Variants in COL6A3 observed in about 807,000 individuals in gnomAD.
COL6A3 encodes collagen type VI alpha 3 chain.
Under a neutral mutation model 274.1 loss-of-function variants are expected in COL6A3, and 137 were observed. The observed-to-expected ratio is 0.50, with a 90% CI of 0.44 to 0.58. The LOEUF (loss-of-function observed/expected upper bound fraction) is 0.58. Ranked by LOEUF, COL6A3 falls within the 20% of genes least tolerant of loss-of-function variation. The pLI, the probability that COL6A3 is intolerant of heterozygous loss-of-function variation, is 0.00. For synonymous variants in COL6A3, 1,650 were observed against 1,650.6 expected (o/e 1.00, Z 0.01); for missense variants, 3,950 against 4,124.9 (o/e 0.96, Z 1.16).
intron 32 of COL6A3, among the ~76,000 whole-genome samples, chr2:237,345,715 G>T (rs1485635060): frequency 6.6e-6 from 1 of 152,092 alleles, no homozygotes; most frequent in Non-Finnish European, 1.5e-5. Flanking sequence ...AGCCCAGCAG[G>T]CATCTCATGG....
intron 38 of COL6A3, 61 bp downstream of exon 38, chr2:237,340,391 A>G: frequency 6.7e-7 from 1 of 1,494,856 alleles, no homozygotes; most frequent in Non-Finnish European, 9.2e-7. Flanking sequence ...CTGTTCCTAC[A>G]CTTCTCCTGG....
At chr2:237,353,454 G>C in intron 24 of COL6A3, 51 bp from the exon 25 acceptor site, 1 of 1,508,572 alleles carries the variant, frequency 6.6e-7, no homozygotes. Flanking sequence ...TCCTGTCAAT[G>C]TCAGCTCTTT....
At chr2:237,362,203 A>G (rs190731367) in intron 14 of COL6A3, among the ~76,000 whole-genome samples, 1 of 151,130 alleles carries the variant, frequency 6.6e-6, no homozygotes, top group Admixed American at 6.6e-5. Context: ...AGCAAATGGC[A>G]GATGGCCAAG....
At chr2:237,363,153 C>G (rs548274260) in intron 14 of COL6A3, 100 bp downstream of exon 14, 87 of 1,151,132 alleles carry the variant, frequency 7.6e-5, no homozygotes, top group African/African-American at 1.9e-4. Flanking sequence ...GCCCCCCCCC[C>G]ACCTCCATTC....
At position 237,387,978 on chromosome 2, in the gene COL6A3, G is replaced by C. The variant is rs2078193193; in HGVS notation, c.916C>G (p.Leu306Val). 1 of 1,614,222 alleles carries C rather than the reference G, an allele frequency of 6.2e-7. No homozygotes were observed. The highest frequency in any genetic ancestry group is 8.5e-7 in the Non-Finnish European group (1 of 1,180,042). ...LDTYSTKAQVLGAVKALGFAG... is the reference protein window; with the variant it reads ...LDTYSTKAQVVGAVKALGFAG... ...AACCCGAGGGCTTTCACTGCACCCA[G>C]AACCTGGGCCTTGGTGGAGTAGGTG... is the stretch of plus-strand genomic sequence containing the variant. Residue 306 changes from leucine to valine, a missense_variant, in exon 4 of 44, where the codon CTG becomes GTG. Coordinates refer to ENST00000295550, the MANE Select transcript of COL6A3 (RefSeq NM_004369.4).
At position 237,388,189 on chromosome 2, in the gene COL6A3, AAAAG is replaced by A. The variant is rs774519175; in HGVS notation, c.710-9_710-6del. 1 of 1,613,942 alleles carries A rather than the reference AAAAG, an allele frequency of 6.2e-7. No homozygotes were observed. The highest frequency in any genetic ancestry group is 8.5e-7 in the Non-Finnish European group (1 of 1,180,040). ...TAATGTCAGCAGAGTCTTGTGCTTT[AAAAG>A]AAAGAAATGCAAAAAATGTGAAAGC... On this transcript the variant is annotated splice_region_variant and splice_polypyrimidine_tract_variant and intron_variant, in intron 3 of 43. Coordinates refer to ENST00000295550, the MANE Select transcript of COL6A3 (RefSeq NM_004369.4).
At chr2:237,332,243 C>A (rs1700300806) in intron 42 of COL6A3, among the ~76,000 whole-genome samples, 1 of 150,908 alleles carries the variant, frequency 6.6e-6, no homozygotes, top group Non-Finnish European at 1.5e-5. Context: ...AAAACATCCC[C>A]AAATCTTGCT....
At chr2:237,389,126 A>T (rs2078226272) in intron 3 of COL6A3, among the ~76,000 whole-genome samples, 1 of 152,196 alleles carries the variant, frequency 6.6e-6, no homozygotes, top group South Asian at 2.1e-4. Context: ...AAAACAGCTG[A>T]CCAAGACCTC....
At chr2:237,375,335 G>A (rs1319106923) in intron 7 of COL6A3, among the ~76,000 whole-genome samples, 1 of 152,138 alleles carries the variant, frequency 6.6e-6, no homozygotes, top group Non-Finnish European at 1.5e-5. Context: ...TGGCAATGAG[G>A]ATGGAGGATG....
Position 237,336,335 on chromosome 2 carries a change from G to A in COL6A3, c.8765C>T (p.Pro2922Leu). The change falls in exon 40 of 44, where the codon CCT becomes CTT. Residue 2922 changes from proline (P) to leucine (L), a missense_variant. Around this residue, in one of 5 missense-constraint regions of COL6A3, gnomAD observed 1,284 missense variants for 1,349.7 expected, o/e 0.95. Transcript: ENST00000295550. Reference protein sequence around the residue: ...PAPAKPVAAKPVATKMATVRP... With the variant: ...PAPAKPVAAKLVATKMATVRP... The stretch of plus-strand genomic sequence containing the variant: ...AACAGTGGCCATCTTTGTGGCCACA[G>A]GCTTGGCAGCCACAGGTTTCGCAGG... 1.2e-6 allele frequency: 2 copies of A among 1,613,542 alleles called. No individual in the cohort carries two copies. The highest frequency in any genetic ancestry group is 1.7e-6 in the Non-Finnish European group (2 of 1,179,556).
At chr2:237,351,594 A>G (rs2077207516) in intron 26 of COL6A3, among the ~76,000 whole-genome samples, 1 of 152,200 alleles carries the variant, frequency 6.6e-6, no homozygotes, top group Admixed American at 6.5e-5. Context: ...GTGAATGAAT[A>G]AACTGATGGA....
chr2:237,412,363 C>T (rs2078878246), intron 1 of COL6A3, among the ~76,000 whole-genome samples: 1 of 152,218 alleles, frequency 6.6e-6, no homozygotes, highest in South Asian at 2.1e-4. Context: ...TCTTAGTGAG[C>T]CCAAAGCAGT....
chr2:237,340,399 T>G lies in COL6A3; in HGVS notation c.8464+53A>C, dbSNP rs1457755439. 2.0e-6 allele frequency: 3 copies of G among 1,537,464 alleles called. No individual in the cohort carries two copies. The African/African-American group carries it at 4.1e-5, about 21-fold the overall frequency. Reference sequence around the variant, plus strand: ...TCCATGACTGTTCCTACACTTCTCCTGGCCCGAGCATAAAGCCAGGCCAGG... The same window carrying G: ...TCCATGACTGTTCCTACACTTCTCCGGGCCCGAGCATAAAGCCAGGCCAGG... On this transcript the variant is annotated intron_variant, in intron 38 of 43. Coordinates refer to ENST00000295550, the MANE Select transcript of COL6A3 (RefSeq NM_004369.4).
rs886043888 is a variant in COL6A3 at position 237,372,176 on chromosome 2, T to C, written c.3841A>G (p.Lys1281Glu). 5.0e-6 allele frequency: 8 copies of C among 1,614,034 alleles called. No individual in the cohort carries two copies. Among genetic ancestry groups the C allele is most frequent in the South Asian group, 1.1e-5 (1 of 91,076 alleles). The change falls in exon 9 of 44, where the codon AAG becomes GAG. Residue 1281 changes from lysine (K) to glutamate (E), a missense_variant. This residue lies in a region of COL6A3 where 1,934 missense variants were observed against 1,984.3 expected (regional missense o/e 0.97). Transcript: ENST00000295550. Reference protein sequence around the residue: ...VAVIQFSDDPKVEFLLNAHSS... With the variant: ...VAVIQFSDDPEVEFLLNAHSS... Reference sequence around the variant, plus strand: ...TGGGCGTTCAGCAGGAACTCCACCTTGGGGTCATCGCTGAACTGGATGACA... The same window carrying C: ...TGGGCGTTCAGCAGGAACTCCACCTCGGGGTCATCGCTGAACTGGATGACA...
In COL6A3 at chr2:237,372,187, C is replaced by T; in HGVS notation, c.3830G>A (p.Ser1277Asn). ...DTTRVAVIQF[S>N]DDPKVEFLLN... is the part of the protein sequence containing the mutation. ...CAGGAACTCCACCTTGGGGTCATCG[C>T]TGAACTGGATGACAGCCACCCGGGT... Residue 1277 changes from serine (S) to asparagine (N), a missense_variant, in exon 9 of 44, where the codon AGC becomes AAC. Physicochemically the swap from Ser to Asn is conservative, Grantham distance 46 (BLOSUM62 1). Coordinates refer to ENST00000295550, the MANE Select transcript of COL6A3 (RefSeq NM_004369.4). 2.5e-6 allele frequency: 4 copies of T among 1,614,164 alleles called. No individual in the cohort carries two copies. Among genetic ancestry groups the T allele is most frequent in the African/African-American group, 1.3e-5 (1 of 75,060 alleles).
Position 237,407,068 on chromosome 2 carries a change from C to A in COL6A3, c.-31+6885G>T, listed in dbSNP as rs553805752. On this transcript the variant is annotated intron_variant, in intron 1 of 43. Coordinates refer to ENST00000295550, the MANE Select transcript of COL6A3 (RefSeq NM_004369.4). The surrounding 1 kb of genome is among the most constrained non-coding windows in gnomAD (Gnocchi z 4.3). ...AGGACTACAGGTGTGCGCCACCACGCCTGGCTAATTTTTTTTGAATTTTGG... is the reference window on the plus strand; with the variant it reads ...AGGACTACAGGTGTGCGCCACCACGACTGGCTAATTTTTTTTGAATTTTGG... 6.6e-6 allele frequency among the ~76,000 whole-genome samples: 1 copy of A among 151,946 alleles called. No individual in the cohort carries two copies. The highest frequency in any genetic ancestry group is 1.5e-5 in the Non-Finnish European group (1 of 67,990).
Position 237,374,963 on chromosome 2 carries a change from C to G in COL6A3, c.3128G>C (p.Gly1043Ala). 2 of 1,613,972 alleles carry G rather than the reference C, an allele frequency of 1.2e-6. No homozygotes were observed. Among genetic ancestry groups the G allele is most frequent in the Non-Finnish European group, 1.7e-6 (2 of 1,180,008 alleles). ...GACAAACTCTTTCAACAGAGGGAAG[C>G]CGCTCCTGACGCCCTCAGAGCCATC... ...LLDGSEGVRS[G>A]FPLLKEFVQR... is the part of the protein sequence containing the mutation. Residue 1043 changes from glycine (G) to alanine (A), a missense_variant, in exon 8 of 44, where the codon GGC becomes GCC. Around this residue, in one of 5 missense-constraint regions of COL6A3, gnomAD observed 1,934 missense variants for 1,984.3 expected, o/e 0.97. Transcript: ENST00000295550. The surrounding 1 kb of genome is among the most constrained non-coding windows in gnomAD (Gnocchi z 4.8).
At chr2:237,337,274 T>C (rs1700597312) in intron 39 of COL6A3, among the ~76,000 whole-genome samples, 1 of 152,214 alleles carries the variant, frequency 6.6e-6, no homozygotes, top group Non-Finnish European at 1.5e-5. Flanking sequence ...TCATTCATTC[T>C]GTTTTCCTAA....
chr2:237,394,492 C>A, intron 3 of COL6A3, 95 bp downstream of exon 3: 1 of 1,530,348 alleles, frequency 6.5e-7, no homozygotes, highest in East Asian at 2.2e-5. Flanking sequence ...CCCTGGCCCA[C>A]CCGCCATCCT....
Sources: gnomAD v4.1 joint callset for allele counts (sites outside exome capture counted in the v4.1 genomes callset) on GRCh38, gnomAD v4.1.1 for gene constraint, gnomAD v4.1.1 regional missense constraint, Gnocchi (gnomAD v3.1) non-coding constraint, MANE v1.5 for transcripts, NCBI Gene and HGNC (gene_info 2026-07-23, HGNC 2026-07-21) for gene names.